ERN2: variants seen among roughly 807,000 people sequenced by gnomAD.
The protein encoded by ERN2 is endoplasmic reticulum to nucleus signaling 2.
A neutral mutation model predicts 107.9 loss-of-function variants in ERN2; 111 were observed. The ratio of observed to expected loss-of-function variants is 1.03; its 90% CI spans 0.88 to 1.20. ERN2 has a LOEUF of 1.20. ERN2 is among the 50% of genes most tolerant of loss of function. The pLI is 0.00. For missense variants in ERN2, 1,225 were observed against 1,197.9 expected, an observed-to-expected ratio of 1.02 and a Z score of -0.33; for synonymous variants, 524 against 501.7, an observed-to-expected ratio of 1.04 and a Z score of -0.59.
At chr16:23,709,059 C>T (rs984827429) in intron 4 of ERN2, 3 of 399,604 alleles carry the variant, frequency 7.5e-6, no homozygotes, top group Non-Finnish European at 1.5e-5. Context: ...GATTGACACA[C>T]TAAAATTTCT....
At chr16:23,709,345 C>G (rs978661756) in intron 4 of ERN2, 14 of 320,684 alleles carry the variant, frequency 4.4e-5, no homozygotes, top group Admixed American at 1.7e-4. Flanking sequence ...AAAGCACATT[C>G]CACCCCATTC....
intron 2 of ERN2, 119 bp from the exon 3 acceptor site, chr16:23,710,668 G>T: frequency 1.7e-6 from 2 of 1,187,464 alleles, no homozygotes; most frequent in Non-Finnish European, 2.5e-6. Context: ...TGAATGTAAT[G>T]CCATCTTCCC....
chr16:23,699,633 C>T (rs987573313), intron 13 of ERN2, among the ~76,000 whole-genome samples: 4 of 152,154 alleles, frequency 2.6e-5, no homozygotes, highest in Admixed American at 6.5e-5. Flanking sequence ...CTATGTTGCC[C>T]AGGCTGGTCT....
rs191956208 is a variant in ERN2, at chr16:23,694,163, T to C, written c.2100+565A>G. Among the ~76,000 whole-genome samples, 981 of 152,172 alleles carry C rather than the reference T, an allele frequency of 6.4e-3. 42 individuals are homozygous for C. The highest frequency in any genetic ancestry group is 0.057 in the Admixed American group (869 of 15,286). On this transcript the variant is annotated intron_variant, in intron 17 of 21. Coordinates refer to ENST00000256797, the MANE Select transcript of ERN2 (RefSeq NM_033266.4). The stretch of plus-strand genomic sequence containing the variant: ...GATGCACACACCCACACCGGCTAAA[T>C]TGTGTGTGCTTTTGGTAGAGACGAG...
rs1960245706 is a variant in ERN2 at position 23,705,078 on chromosome 16, A to G, written c.659T>C (p.Leu220Pro). 1 of 1,613,998 alleles carries G rather than the reference A, an allele frequency of 6.2e-7. No individual in the cohort carries two copies. Among genetic ancestry groups the G allele is most frequent in the Non-Finnish European group, 8.5e-7 (1 of 1,179,972 alleles). The change falls in exon 8 of 22, where the codon CTG (leucine) becomes CCG (proline). Residue 220 changes from leucine to proline, a missense_variant. By Grantham distance (98) the Leu-to-Pro change is moderately conservative. Coordinates refer to ENST00000256797, the MANE Select transcript of ERN2 (RefSeq NM_033266.4). ...LTVDPGSGTVLWTQDLGVPVM... is the reference protein window; with the variant it reads ...LTVDPGSGTVPWTQDLGVPVM... ...AGGCACGCCCAGGTCCTGTGTCCAC[A>G]GCACCGTCCCGCTTCCTGGGTCCAC... is the stretch of plus-strand genomic sequence containing the variant.
intron 7 of ERN2, among the ~76,000 whole-genome samples, chr16:23,705,807 A>T (rs1297903396): frequency 6.6e-6 from 1 of 152,194 alleles, no homozygotes; most frequent in East Asian, 1.9e-4. Context: ...CCAGCTATTC[A>T]GGAGGCTGAG....
intron 17 of ERN2, among the ~76,000 whole-genome samples, chr16:23,692,982 GAAAAT>G (rs1959660568): frequency 6.7e-6 from 1 of 149,532 alleles, no homozygotes; most frequent in Non-Finnish European, 1.5e-5. Flanking sequence ...TTTTTTTAAA[GAAAAT>G]CCAGAAATCC....
rs548404221 is a variant in ERN2, at chr16:23,695,564, TA to T, written c.1611-176del. On this transcript the variant is annotated intron_variant, in intron 14 of 21. Coordinates refer to ENST00000256797, the MANE Select transcript of ERN2 (RefSeq NM_033266.4). Reference sequence around the variant, plus strand: ...AACATGGTGAAACCCCCATCTCTACTAAAAAAAATATAAAAATTAGCCGGGC... The same window carrying T: ...AACATGGTGAAACCCCCATCTCTACTAAAAAAATATAAAAATTAGCCGGGC... 7.4e-3 allele frequency among the ~76,000 whole-genome samples: 1,109 copies of T among 150,644 alleles called. 16 individuals carry two copies. Among genetic ancestry groups the T allele is most frequent in the Non-Finnish European group, 7.4e-3 (497 of 67,608 alleles).
Position 23,710,930 on chromosome 16 carries a change from T to C in ERN2, c.182A>G (p.Lys61Arg), listed in dbSNP as rs776888082. 6.2e-6 allele frequency: 10 copies of C among 1,613,644 alleles called. No individual in the cohort carries two copies. The highest frequency in any genetic ancestry group is 5.0e-5 in the Admixed American group (3 of 59,998). ...TTGCTCACCATCCCTCAGAGTCCACTTCAGGTCCCCTGTCTGCTTGCTTAG... is the reference window on the plus strand; with the variant it reads ...TTGCTCACCATCCCTCAGAGTCCACCTCAGGTCCCCTGTCTGCTTGCTTAG... ...HALSKQTGDL[K>R]WTLRDDPVIE... The change falls in exon 2 of 22, where the codon AAG (lysine) becomes AGG (arginine). Residue 61 changes from lysine to arginine, a missense_variant. Lys to Arg is a conservative substitution (Grantham distance 26). Coordinates refer to ENST00000256797, the MANE Select transcript of ERN2 (RefSeq NM_033266.4).
At chr16:23,704,031 G>A (rs1000904301) in intron 8 of ERN2, among the ~76,000 whole-genome samples, 5 of 152,188 alleles carry the variant, frequency 3.3e-5, no homozygotes, top group African/African-American at 1.2e-4. Context: ...CCAGACTCTA[G>A]TGAGACTGGC....
At chr16:23,708,766 G>A (rs781703129) in intron 4 of ERN2, among the ~76,000 whole-genome samples, 2 of 152,174 alleles carry the variant, frequency 1.3e-5, no homozygotes, top group Non-Finnish European at 2.9e-5. Context: ...AGACGTGCCT[G>A]CTTCCCCTTC....
chr16:23,697,705 T>C (rs7500128), intron 13 of ERN2, among the ~76,000 whole-genome samples: 12,386 of 152,202 alleles, frequency 0.081, 764 homozygotes, highest in African/African-American at 0.16. Flanking sequence ...TCACTTTGCT[T>C]AGCCTTTTGC....
chr16:23,711,004 C>A lies in ERN2; in HGVS notation c.108G>T (p.Arg36Ser), dbSNP rs1208094782. ...TGGACACCAGCAGGAGGTTCTCTGG[C>A]CTGAGAGTATGAACCTGCAAGGGGG... ...GTLSPQVHTL[R>S]PENLLLVSTL... Residue 36 changes from arginine to serine, a missense_variant, in exon 2 of 22, where the codon AGG (arginine) becomes AGT (serine). Coordinates refer to ENST00000256797, the MANE Select transcript of ERN2 (RefSeq NM_033266.4). 3.7e-6 allele frequency: 6 copies of A among 1,613,830 alleles called. No homozygotes were observed. The South Asian group carries it at 6.6e-5, about 18-fold the overall frequency.
chr16:23,711,371 A>C (rs1960535279), intron 1 of ERN2, among the ~76,000 whole-genome samples: 1 of 152,100 alleles, frequency 6.6e-6, no homozygotes, highest in African/African-American at 2.4e-5. Flanking sequence ...TGTTGTTTTA[A>C]TATAAGACAG....
rs1284026660 is a variant in ERN2 at position 23,694,941 on chromosome 16, G to T, written c.1901-14C>A. ...GGTCCCGGTGCACTGTGGGAGAGGG[G>T]CAGAAAGAAAGCTGGTTGCTGAGGG... is the stretch of plus-strand genomic sequence containing the variant. On this transcript the variant is annotated splice_polypyrimidine_tract_variant and intron_variant, in intron 16 of 21. Transcript: ENST00000256797. 15 of 1,613,936 alleles carry T rather than the reference G, an allele frequency of 9.3e-6. No individual in the cohort carries two copies. Among genetic ancestry groups the T allele is most frequent in the Non-Finnish European group, 1.3e-5 (15 of 1,179,908 alleles).
chr16:23,706,914 G>GC, intron 5 of ERN2, 53 bp from the exon 6 acceptor site: 1 of 1,543,760 alleles, frequency 6.5e-7, no homozygotes, highest in Non-Finnish European at 8.9e-7. Flanking sequence ...AAGAGGTGTG[G>GC]CCCCGCCACT....
Position 23,705,212 on chromosome 16 carries a change from C to T in ERN2, c.590-65G>A, listed in dbSNP as rs534255972. 62 of 1,564,936 alleles carry T rather than the reference C, an allele frequency of 4.0e-5. No individual in the cohort carries two copies. The African/African-American group carries it at 7.0e-4, about 18-fold the overall frequency. On this transcript the variant is annotated intron_variant, in intron 7 of 21. Transcript: ENST00000256797. ...CTCCTAAGAGGGTCCAAGGGTGTGC[C>T]CTCTGGGTGAGGGGTCAGTCTGGTG... is the stretch of plus-strand genomic sequence containing the variant.
chr16:23,706,489 C>A, intron 6 of ERN2, 58 bp from the exon 7 acceptor site: 1 of 1,305,228 alleles, frequency 7.7e-7, no homozygotes, highest in East Asian at 2.5e-5. Flanking sequence ...CCTCCAACCC[C>A]AGGGGCCATT....
chr16:23,691,615 A>G (rs1311286627), intron 19 of ERN2, among the ~76,000 whole-genome samples, 190 bp from the exon 20 acceptor site: 1 of 152,238 alleles, frequency 6.6e-6, no homozygotes. Flanking sequence ...TCCCTATTCT[A>G]CAGATTGAGC....
Sources: allele counts gnomAD v4.1 joint callset (sites outside exome capture counted in the v4.1 genomes callset), GRCh38; gene constraint gnomAD v4.1.1; transcripts MANE v1.5; gene names NCBI Gene and HGNC (gene_info 2026-07-23, HGNC 2026-07-21).